The following PITPNC1 variants were observed in gnomAD, a reference collection of about 807,000 sequenced individuals.
The protein encoded by PITPNC1 is phosphatidylinositol transfer protein cytoplasmic 1.
PITPNC1 carries 18 observed loss-of-function variants against 44.7 expected under a neutral mutation model. The observed-to-expected ratio is 0.40, with a 90% CI of 0.28 to 0.60. PITPNC1 has a LOEUF of 0.60. Among genes scored for constraint, PITPNC1 ranks in the 20% least tolerant of loss-of-function variants. The pLI is 0.39. For synonymous variants in PITPNC1, 141 were observed against 149.6 expected, an observed-to-expected ratio of 0.94 and a Z score of 0.42; for missense variants, 290 against 418.4, an observed-to-expected ratio of 0.69 and a Z score of 2.68.
At chr17:67,410,383 G>T (rs2038476547) in intron 1 of PITPNC1, among the ~76,000 whole-genome samples, 1 of 152,052 alleles carries the variant, frequency 6.6e-6, no homozygotes, top group Non-Finnish European at 1.5e-5. Context: ...TGAGGTAGTG[G>T]TTTGTTTGTT....
At chr17:67,564,180 GAT>G (rs1253422944) in intron 4 of PITPNC1, among the ~76,000 whole-genome samples, 1 of 151,882 alleles carries the variant, frequency 6.6e-6, no homozygotes, top group Non-Finnish European at 1.5e-5. Flanking sequence ...TGGATGGATG[GAT>G]GGATGGATGG....
At chr17:67,534,757 T>C (rs1459518773) in intron 2 of PITPNC1, among the ~76,000 whole-genome samples, 1 of 152,236 alleles carries the variant, frequency 6.6e-6, no homozygotes, top group Non-Finnish European at 1.5e-5. Context: ...TGAATACTTT[T>C]ACCCCTACCT....
At chr17:67,475,077 G>T (rs2039606764) in intron 1 of PITPNC1, among the ~76,000 whole-genome samples, 2 of 152,148 alleles carry the variant, frequency 1.3e-5, no homozygotes, top group Non-Finnish European at 2.9e-5. Flanking sequence ...ATGAGGGAGG[G>T]CCCTGCTTTC....
chr17:67,520,575 C>T (rs1179977674), intron 1 of PITPNC1, among the ~76,000 whole-genome samples: 1 of 152,176 alleles, frequency 6.6e-6, no homozygotes, highest in East Asian at 1.9e-4. Context: ...TTGCCAGACA[C>T]CAAGTGTATC....
At chr17:67,461,691 CCAAGAGGATCGCTTGAGAGCAGGAGTT>C (rs2039340259) in intron 1 of PITPNC1, among the ~76,000 whole-genome samples, 1 of 152,114 alleles carries the variant, frequency 6.6e-6, no homozygotes, top group African/African-American at 2.4e-5. Context: ...CTTTGGGAGG[CCAAGAGGATCGCTTGAGAGCAGGAGTT>C]CAAGAGGATG....
chr17:67,470,589 C>T (rs1217609545), intron 1 of PITPNC1, among the ~76,000 whole-genome samples: 2 of 151,896 alleles, frequency 1.3e-5, no homozygotes, highest in African/African-American at 2.4e-5. Flanking sequence ...GGGGGGTCAG[C>T]CCCCCTGCCC....
chr17:67,425,260 C>CACACAG (rs1567984900), intron 1 of PITPNC1, among the ~76,000 whole-genome samples: 1 of 121,516 alleles, frequency 8.2e-6, no homozygotes. Context: ...CACACACACA[C>CACACAG]ACAGAGGGAG....
At chr17:67,637,368 C>T (rs1277781312) in intron 6 of PITPNC1, among the ~76,000 whole-genome samples, 1 of 151,892 alleles carries the variant, frequency 6.6e-6, no homozygotes, top group Admixed American at 6.6e-5. Context: ...TGTCAGCGTC[C>T]TAAATAGAAA....
chr17:67,386,960 C>T (rs771532241), intron 1 of PITPNC1, among the ~76,000 whole-genome samples: 2 of 152,034 alleles, frequency 1.3e-5, no homozygotes, highest in Non-Finnish European at 2.9e-5. Context: ...GAAGATTTTT[C>T]TTGTAGGTTA....
intron 1 of PITPNC1, among the ~76,000 whole-genome samples, chr17:67,404,480 A>T (rs1177239340): frequency 6.6e-6 from 1 of 152,184 alleles, no homozygotes; most frequent in East Asian, 1.9e-4. Context: ...AACCTAGATG[A>T]GAATGTGTGA....
At chr17:67,468,350 C>T (rs897420517) in intron 1 of PITPNC1, among the ~76,000 whole-genome samples, 1 of 151,206 alleles carries the variant, frequency 6.6e-6, no homozygotes, top group Admixed American at 6.6e-5. Flanking sequence ...TTGGGAGTCC[C>T]TTGGGGAAGC....
chr17:67,475,187 C>T (rs1420148427), intron 1 of PITPNC1, among the ~76,000 whole-genome samples: 2 of 152,068 alleles, frequency 1.3e-5, no homozygotes, highest in African/African-American at 4.8e-5. Flanking sequence ...AAAGCGTTGC[C>T]GTGGTTCTAG....
At chr17:67,601,421 G>A (rs1195453788) in intron 5 of PITPNC1, among the ~76,000 whole-genome samples, 6 of 152,108 alleles carry the variant, frequency 3.9e-5, no homozygotes, top group Admixed American at 3.9e-4. Context: ...AAATACTGAG[G>A]AAGGAGCTGG....
At chr17:67,385,942 C>T (rs374533312) in intron 1 of PITPNC1, among the ~76,000 whole-genome samples, 1 of 152,118 alleles carries the variant, frequency 6.6e-6, no homozygotes, top group Non-Finnish European at 1.5e-5. Context: ...GAGATAGATA[C>T]AGGGATCAGG....
chr17:67,493,762 A>G (rs1185207831), intron 1 of PITPNC1, among the ~76,000 whole-genome samples: 1 of 152,186 alleles, frequency 6.6e-6, no homozygotes, highest in Non-Finnish European at 1.5e-5. Flanking sequence ...GATGGTAGCA[A>G]CCTAGCTATC....
intron 1 of PITPNC1, among the ~76,000 whole-genome samples, chr17:67,520,936 G>A (rs2040317923): frequency 6.6e-6 from 1 of 152,142 alleles, no homozygotes; most frequent in Admixed American, 6.6e-5. Flanking sequence ...TTCAATTTAT[G>A]AGTCAAGTGA....
At chr17:67,629,257 T>TGC in intron 5 of PITPNC1, among the ~76,000 whole-genome samples, 1 of 151,446 alleles carries the variant, frequency 6.6e-6, no homozygotes, top group East Asian at 1.9e-4. Flanking sequence ...TGTGTGTGTG[T>TGC]GTGTGTGTGG....
intron 6 of PITPNC1, among the ~76,000 whole-genome samples, chr17:67,651,472 C>T (rs1438189277): frequency 6.6e-6 from 1 of 151,884 alleles, no homozygotes; most frequent in African/African-American, 2.4e-5. Flanking sequence ...GAGATTGCAC[C>T]ATTGCTCTCT....
intron 6 of PITPNC1, among the ~76,000 whole-genome samples, chr17:67,669,126 G>C (rs1160861029): frequency 2.0e-5 from 3 of 151,628 alleles, no homozygotes; most frequent in Non-Finnish European, 4.4e-5. Flanking sequence ...TTGTTTTTGA[G>C]ATGGAGTTTC....
Sources: allele counts gnomAD v4.1 joint callset (sites outside exome capture counted in the v4.1 genomes callset), GRCh38; gene constraint gnomAD v4.1.1; transcripts MANE v1.5; gene names NCBI Gene and HGNC (gene_info 2026-07-23, HGNC 2026-07-21).